The following ANKRD31 variants were observed in gnomAD, a reference collection of about 807,000 sequenced individuals.
ANKRD31 encodes the protein ankyrin repeat domain 31.
In ANKRD31, 147 loss-of-function variants were observed where a neutral mutation model predicts 186.0. That is an observed-to-expected ratio of 0.79 (90% CI 0.69 to 0.91). The LOEUF (loss-of-function observed/expected upper bound fraction) is 0.91, where lower values mean the gene tolerates loss of function less well. Ranked by LOEUF, ANKRD31 falls within the 40% of genes least tolerant of loss-of-function variation. ANKRD31 has a pLI of 0.00. For synonymous variants in ANKRD31, 673 were observed against 736.4 expected, an observed-to-expected ratio of 0.91 and a Z score of 1.39; for missense variants, 1,986 against 2,148.8, an observed-to-expected ratio of 0.92 and a Z score of 1.50.
chr5:75,085,905 A>G (rs1479339673), intron 23 of ANKRD31, among the ~76,000 whole-genome samples: 2 of 152,228 alleles, frequency 1.3e-5, no homozygotes, highest in African/African-American at 4.8e-5. Context: ...GGGATCTTAA[A>G]GGTACAGATA....
chr5:75,086,656 T>C (rs1023716549), intron 23 of ANKRD31, among the ~76,000 whole-genome samples: 3 of 152,300 alleles, frequency 2.0e-5, no homozygotes, highest in South Asian at 2.1e-4. Context: ...GTAAGAGAGA[T>C]GGAGCTTAGT....
intron 3 of ANKRD31, among the ~76,000 whole-genome samples, 158 bp from the exon 4 acceptor site, chr5:75,211,023 G>A (rs552795963): frequency 6.6e-6 from 1 of 152,094 alleles, no homozygotes; most frequent in Non-Finnish European, 1.5e-5. Context: ...TTTACTATCT[G>A]TACATTTTTA....
chr5:75,159,662 T>G (rs1195032708), intron 11 of ANKRD31, among the ~76,000 whole-genome samples: 1 of 40,454 alleles, frequency 2.5e-5, no homozygotes, highest in African/African-American at 1.1e-4. Flanking sequence ...ATAAAGACAT[T>G]CACAGATAAA....
chr5:75,111,523 A>G (rs1241519641), intron 20 of ANKRD31, among the ~76,000 whole-genome samples: 1 of 152,176 alleles, frequency 6.6e-6, no homozygotes, highest in Non-Finnish European at 1.5e-5. Flanking sequence ...GATTTTTTTA[A>G]AGACTATACA....
intron 10 of ANKRD31, among the ~76,000 whole-genome samples, chr5:75,172,365 TAAA>T (rs35258134): frequency 6.9e-6 from 1 of 145,396 alleles, no homozygotes. Flanking sequence ...AAACTCTATT[TAAA>T]AAAAAAAAAA....
chr5:75,176,308 C>G (rs1055598893), intron 10 of ANKRD31, among the ~76,000 whole-genome samples: 1 of 152,190 alleles, frequency 6.6e-6, no homozygotes, highest in African/African-American at 2.4e-5. Flanking sequence ...CCTCTGGGGA[C>G]AGGGCACAGA....
chr5:75,102,872 G>T lies in ANKRD31; in HGVS notation c.5331+1356C>A, dbSNP rs569039673. On this transcript the variant is annotated intron_variant, in intron 22 of 25. Coordinates refer to ENST00000506364, the MANE Select transcript of ANKRD31 (RefSeq NM_001372053.1). Reference sequence around the variant, plus strand: ...AGGAAAGGGAATTCCCGGACCCCTTGCACTTTCCTGGTGAGGTGATGCCCC... The same window carrying T: ...AGGAAAGGGAATTCCCGGACCCCTTTCACTTTCCTGGTGAGGTGATGCCCC... 5.9e-4 allele frequency among the ~76,000 whole-genome samples: 90 copies of T among 152,292 alleles called. 1 individual carries two copies. Among genetic ancestry groups the T allele is most frequent in the African/African-American group, 2.1e-3 (86 of 41,574 alleles).
chr5:75,080,485 A>G, intron 25 of ANKRD31, 83 bp downstream of exon 25: 1 of 895,086 alleles, frequency 1.1e-6, no homozygotes, highest in Non-Finnish European at 1.6e-6. Context: ...ATATTTGACA[A>G]TCTATTTGAT....
chr5:75,190,646 G>A (rs913959622), intron 9 of ANKRD31, among the ~76,000 whole-genome samples: 3 of 151,246 alleles, frequency 2.0e-5, no homozygotes, highest in Non-Finnish European at 4.4e-5. Context: ...TCTGTGAACT[G>A]CTTGTTCATG....
chr5:75,226,008 G>A (rs1254207742), intron 2 of ANKRD31, among the ~76,000 whole-genome samples: 1 of 152,202 alleles, frequency 6.6e-6, no homozygotes, highest in Non-Finnish European at 1.5e-5. Flanking sequence ...AGTGAACACT[G>A]GCAGTAGCCT....
intron 17 of ANKRD31, among the ~76,000 whole-genome samples, chr5:75,121,123 C>T (rs1285273206): frequency 2.0e-5 from 3 of 149,866 alleles, no homozygotes; most frequent in Non-Finnish European, 4.4e-5. Flanking sequence ...GCAGAGGTTG[C>T]AGTGAGCTGA....
Position 75,236,385 on chromosome 5 carries a change from G to A in ANKRD31, c.104+198C>T, listed in dbSNP as rs185903694. Among the ~76,000 whole-genome samples the A allele has an allele frequency of 3.6e-4, 55 of 152,310 alleles. No individual in the cohort carries two copies. The South Asian group carries it at 0.011, about 30-fold the overall frequency. ...ACAAACCTCATTTTATCCCTAGCTGGTTGGGGGTAGGTGGGAACAGACTGT... is the reference window on the plus strand; with the variant it reads ...ACAAACCTCATTTTATCCCTAGCTGATTGGGGGTAGGTGGGAACAGACTGT... On this transcript the variant is annotated intron_variant, in intron 1 of 25. Coordinates refer to ENST00000506364, the MANE Select transcript of ANKRD31 (RefSeq NM_001372053.1).
At chr5:75,172,355 A>G (rs1336922614) in intron 10 of ANKRD31, among the ~76,000 whole-genome samples, 2 of 127,120 alleles carry the variant, frequency 1.6e-5, no homozygotes, top group Non-Finnish European at 3.2e-5. Flanking sequence ...AAGCTAGCAT[A>G]AACTCTATTT....
chr5:75,191,126 C>T (rs1210415136), intron 9 of ANKRD31, among the ~76,000 whole-genome samples: 6 of 152,084 alleles, frequency 3.9e-5, no homozygotes, highest in African/African-American at 1.2e-4. Context: ...TTCACTTACG[C>T]TTTCTTCTAC....
intron 10 of ANKRD31, among the ~76,000 whole-genome samples, chr5:75,182,611 C>T (rs532249039): frequency 2.0e-5 from 3 of 151,408 alleles, no homozygotes; most frequent in South Asian, 4.2e-4. Flanking sequence ...CCCAGCTATT[C>T]GGGAGGCTGA....
chr5:75,153,392 T>C (rs1196880957), intron 12 of ANKRD31, among the ~76,000 whole-genome samples: 4 of 152,070 alleles, frequency 2.6e-5, no homozygotes, highest in Non-Finnish European at 4.4e-5. Flanking sequence ...ACTAATATAG[T>C]GAAGGTAAGA....
At chr5:75,145,569 C>A (rs1231203496) in intron 14 of ANKRD31, among the ~76,000 whole-genome samples, 2 of 151,888 alleles carry the variant, frequency 1.3e-5, no homozygotes, top group East Asian at 3.9e-4. Flanking sequence ...CATCACACAC[C>A]AGGGCCTGTC....
At chr5:75,078,698 A>G (rs1744851243) in intron 25 of ANKRD31, among the ~76,000 whole-genome samples, 1 of 152,218 alleles carries the variant, frequency 6.6e-6, no homozygotes, top group Non-Finnish European at 1.5e-5. Context: ...AACAGAATTA[A>G]AAAAGAAATA....
chr5:75,145,049 C>T (rs1482771493), intron 14 of ANKRD31, among the ~76,000 whole-genome samples: 2 of 152,088 alleles, frequency 1.3e-5, no homozygotes, highest in African/African-American at 2.4e-5. Flanking sequence ...CACCATCTCA[C>T]GCCAGTTAGA....
Sources: gnomAD v4.1 joint callset for allele counts (sites outside exome capture counted in the v4.1 genomes callset) on GRCh38, gnomAD v4.1.1 for gene constraint, MANE v1.5 for transcripts, NCBI Gene and HGNC (gene_info 2026-07-23, HGNC 2026-07-21) for gene names.